The following DRC8 variants were observed in gnomAD, a reference collection of about 807,000 sequenced individuals.
DRC8 encodes dynein regulatory complex protein 8.
chr1:244,999,058 CAA>C, the DRC8 span, among the ~76,000 whole-genome samples: 2,575 of 83,484 alleles, frequency 0.031, 21 homozygotes, highest in African/African-American at 0.036. Context: ...GATCCTGGGT[CAA>C]AAAAAAAAAA....
the DRC8 span, among the ~76,000 whole-genome samples, chr1:245,076,601 A>G: frequency 6.6e-6 from 1 of 152,204 alleles, no homozygotes; most frequent in Admixed American, 6.5e-5. Context: ...CTTTTCAAAC[A>G]TGTCTGATAT....
the DRC8 span, among the ~76,000 whole-genome samples, chr1:245,019,069 T>C: frequency 6.6e-6 from 1 of 152,190 alleles, no homozygotes; most frequent in African/African-American, 2.4e-5. Flanking sequence ...CAGGCCTTTT[T>C]TGGTAAAAGG....
At chr1:245,017,889 T>G in the DRC8 span, among the ~76,000 whole-genome samples, 1 of 152,054 alleles carries the variant, frequency 6.6e-6, no homozygotes, top group South Asian at 2.1e-4. Context: ...GAGAAGAGAT[T>G]AGACGCTAAT....
At chr1:245,056,491 C>G in the DRC8 span, among the ~76,000 whole-genome samples, 102 of 152,334 alleles carry the variant, frequency 6.7e-4, no homozygotes, top group Non-Finnish European at 1.4e-3. Context: ...GGAATTCTCA[C>G]TTTCTCCTTA....
the DRC8 span, among the ~76,000 whole-genome samples, chr1:245,006,589 C>T: frequency 1.1e-3 from 169 of 152,012 alleles, 2 homozygotes; most frequent in Middle Eastern, 0.027. Flanking sequence ...GTAGTCTAAT[C>T]GTAAGCAATG....
At chr1:245,028,524 TC>T in the DRC8 span, among the ~76,000 whole-genome samples, 1 of 152,122 alleles carries the variant, frequency 6.6e-6, no homozygotes, top group Non-Finnish European at 1.5e-5. Flanking sequence ...GATATGTCAA[TC>T]ATTATAGTTA....
At chr1:245,088,315 G>GACACAC in the DRC8 span, among the ~76,000 whole-genome samples, 26,829 of 145,398 alleles carry the variant, frequency 0.18, 2,583 homozygotes, top group Middle Eastern at 0.29. This position sits in a 1 kb window ranked among gnomAD's most constrained non-coding sequence, Gnocchi z 4.6. Context: ...GTTATAACAA[G>GACACAC]ACACACACAC....
chr1:245,020,291 G>A, the DRC8 span, among the ~76,000 whole-genome samples: 1 of 152,206 alleles, frequency 6.6e-6, no homozygotes, highest in Non-Finnish European at 1.5e-5. Flanking sequence ...ATGCTGGGCA[G>A]CCACCAGCCC....
chr1:245,084,624 T>C, the DRC8 span, among the ~76,000 whole-genome samples: 3 of 152,218 alleles, frequency 2.0e-5, no homozygotes, highest in African/African-American at 7.2e-5. Flanking sequence ...AGTAGCCTGA[T>C]GGACAGTCTC....
At chr1:244,974,187 G>A in the DRC8 span, among the ~76,000 whole-genome samples, 1 of 152,120 alleles carries the variant, frequency 6.6e-6, no homozygotes, top group Non-Finnish European at 1.5e-5. Context: ...TTTAAATGGA[G>A]AGTCAATGCA....
At chr1:245,001,842 C>T in the DRC8 span, among the ~76,000 whole-genome samples, 3 of 152,266 alleles carry the variant, frequency 2.0e-5, no homozygotes, top group African/African-American at 4.8e-5. Flanking sequence ...TCTGCCAACC[C>T]TTCAGTTCTC....
the DRC8 span, among the ~76,000 whole-genome samples, chr1:245,029,915 T>C: frequency 1.3e-5 from 2 of 152,156 alleles, no homozygotes; most frequent in Non-Finnish European, 2.9e-5. Context: ...TATTGGACTG[T>C]CTTGATCAAG....
the DRC8 span, among the ~76,000 whole-genome samples, chr1:245,094,567 T>G: frequency 6.6e-6 from 1 of 152,190 alleles, no homozygotes; most frequent in Non-Finnish European, 1.5e-5. Context: ...CCCAGGAAGA[T>G]GTCAATGAGA....
chr1:244,993,327 C>T, the DRC8 span, among the ~76,000 whole-genome samples: 2 of 152,194 alleles, frequency 1.3e-5, no homozygotes, highest in East Asian at 1.9e-4. Context: ...AATGCACTCA[C>T]TCTCTCCAAA....
At chr1:245,014,173 A>G in the DRC8 span, among the ~76,000 whole-genome samples, 1 of 152,180 alleles carries the variant, frequency 6.6e-6, no homozygotes, top group African/African-American at 2.4e-5. Context: ...ATCATCAGAA[A>G]GGAAATGGAG....
At chr1:245,101,584 T>A in the DRC8 span, among the ~76,000 whole-genome samples, 1 of 152,234 alleles carries the variant, frequency 6.6e-6, no homozygotes, top group Admixed American at 6.5e-5. Flanking sequence ...TTTACTAGTA[T>A]TTCCTTGATT....
the DRC8 span, among the ~76,000 whole-genome samples, chr1:244,984,278 A>G: frequency 5.9e-5 from 9 of 152,084 alleles, 1 homozygote; most frequent in Non-Finnish European, 1.0e-4. Flanking sequence ...TCAATCATAG[A>G]CCCACATATT....
At chr1:245,023,219 T>G in the DRC8 span, 1 of 152,256 alleles carries the variant, frequency 6.6e-6, no homozygotes, top group Non-Finnish European at 1.5e-5. Context: ...ATTTTATTCC[T>G]TTTTTGAATA....
the DRC8 span, among the ~76,000 whole-genome samples, chr1:245,089,574 G>A: frequency 4.6e-5 from 7 of 151,902 alleles, no homozygotes; most frequent in South Asian, 2.1e-4. The surrounding 1 kb of genome is among the most constrained non-coding windows in gnomAD (Gnocchi z 4.8). Context: ...AGTTAAAGAC[G>A]GAAAAAACGT....
Sources: gnomAD v4.1 joint callset for allele counts (sites outside exome capture counted in the v4.1 genomes callset) on GRCh38, gnomAD v4.1.1 for gene constraint, Gnocchi (gnomAD v3.1) non-coding constraint, MANE v1.5 for transcripts, NCBI Gene and HGNC (gene_info 2026-07-23, HGNC 2026-07-21) for gene names.